CLIC4: variants seen among roughly 807,000 people sequenced by gnomAD.
CLIC4 encodes the protein CLIC family member 4.
A neutral mutation model predicts 24.6 loss-of-function variants in CLIC4; 13 were observed. The observed-to-expected ratio is 0.53, with a 90% CI of 0.34 to 0.84. CLIC4 has a LOEUF of 0.84. CLIC4 is among the 40% of genes least tolerant of loss of function. The probability of loss-of-function intolerance (pLI) is 0.01; values close to 1 mark genes in which losing one functional copy is unlikely to be tolerated. For missense variants in CLIC4, 227 were observed against 301.7 expected (o/e 0.75, Z 1.83); for synonymous variants, 104 against 111.3 (o/e 0.93, Z 0.41).
chr1:24,774,723 C>T (rs144556981), intron 1 of CLIC4, among the ~76,000 whole-genome samples: 49 of 151,852 alleles, frequency 3.2e-4, no homozygotes, highest in South Asian at 6.2e-4. Context: ...CCCTGGAGAT[C>T]GAGGCTGCAG....
At position 24,826,993 on chromosome 1, in the gene CLIC4, T is replaced by C. The variant is rs377354681; in HGVS notation, c.309-17T>C. Reference sequence around the variant, plus strand: ...ATCTTTGAAGGATCTATAATCCATATCACTTTTTCTATTTAGGTACTTAAA... The same window carrying C: ...ATCTTTGAAGGATCTATAATCCATACCACTTTTTCTATTTAGGTACTTAAA... On this transcript the variant is annotated splice_polypyrimidine_tract_variant and intron_variant, in intron 3 of 5. Transcript: ENST00000374379. 4 of 1,543,890 alleles carry C rather than the reference T, an allele frequency of 2.6e-6. No homozygotes were observed. The highest frequency in any genetic ancestry group is 3.5e-6 in the Non-Finnish European group (4 of 1,128,028).
intron 1 of CLIC4, among the ~76,000 whole-genome samples, chr1:24,750,436 CTTT>C (rs368673049): frequency 2.9e-5 from 4 of 137,492 alleles, no homozygotes; most frequent in African/African-American, 8.0e-5. Flanking sequence ...TTCTTTCTTT[CTTT>C]TTTTTTTTTT....
intron 1 of CLIC4, among the ~76,000 whole-genome samples, chr1:24,763,867 A>G (rs1571232542): frequency 1.3e-5 from 2 of 152,178 alleles, no homozygotes; most frequent in Admixed American, 6.5e-5. Context: ...ATAGTTTTGC[A>G]TGTATGTCTT....
At chr1:24,829,459 A>G (rs1006736643) in intron 4 of CLIC4, among the ~76,000 whole-genome samples, 10 of 152,182 alleles carry the variant, frequency 6.6e-5, no homozygotes, top group African/African-American at 2.2e-4. Flanking sequence ...TTATGTAACC[A>G]TTTAGGCAGT....
chr1:24,807,873 G>A (rs1200888228), intron 2 of CLIC4, among the ~76,000 whole-genome samples: 1 of 151,964 alleles, frequency 6.6e-6, no homozygotes, highest in African/African-American at 2.4e-5. Context: ...AATGTTAATG[G>A]ATATGTTTTA....
At chr1:24,797,657 C>T in intron 1 of CLIC4, 85 bp from the exon 2 acceptor site, 1 of 904,930 alleles carries the variant, frequency 1.1e-6, no homozygotes, top group African/African-American at 1.7e-5. Flanking sequence ...GCTTCTTGTA[C>T]TCTTGATTAA....
At chr1:24,814,329 C>T (rs905163361) in intron 3 of CLIC4, 110 bp downstream of exon 3, 2 of 1,233,472 alleles carry the variant, frequency 1.6e-6, no homozygotes, top group Non-Finnish European at 2.3e-6. Flanking sequence ...CTAGGACTCT[C>T]TTCTATGTTT....
intron 1 of CLIC4, among the ~76,000 whole-genome samples, chr1:24,793,424 G>A (rs781260763): frequency 8.5e-5 from 13 of 152,082 alleles, no homozygotes; most frequent in Non-Finnish European, 1.6e-4. Flanking sequence ...TATCCAGCAG[G>A]CAGGTGCCTT....
At chr1:24,830,488 T>C (rs1639829455) in intron 4 of CLIC4, among the ~76,000 whole-genome samples, 1 of 152,102 alleles carries the variant, frequency 6.6e-6, no homozygotes, top group Non-Finnish European at 1.5e-5. Context: ...TAAACAATGC[T>C]GCTGGTGAAT....
chr1:24,786,250 T>C (rs12142638), intron 1 of CLIC4, among the ~76,000 whole-genome samples: 2 of 152,232 alleles, frequency 1.3e-5, no homozygotes, highest in African/African-American at 4.8e-5. Flanking sequence ...CTTAGGTGTT[T>C]AAAAATCTGA....
intron 1 of CLIC4, among the ~76,000 whole-genome samples, chr1:24,762,491 C>T (rs1405517660): frequency 6.6e-6 from 1 of 152,066 alleles, no homozygotes; most frequent in Non-Finnish European, 1.5e-5. Context: ...GAAGCAAGTT[C>T]TGAGGAACTC....
intron 2 of CLIC4, among the ~76,000 whole-genome samples, chr1:24,808,957 C>T (rs1571255531): frequency 6.6e-6 from 1 of 152,078 alleles, no homozygotes; most frequent in African/African-American, 2.4e-5. Flanking sequence ...GGATTACAGA[C>T]GTGAGCCACT....
rs1352438442 is a variant in CLIC4 at position 24,751,805 on chromosome 1, A to G, written c.72+6180A>G. Among the ~76,000 whole-genome samples the G allele has an allele frequency of 5.3e-5, 8 of 152,338 alleles. No individual in the cohort carries two copies. In the South Asian group the frequency reaches 1.5e-3, roughly 28 times the overall value. ...CTTGAACCCGGGAAGCGGAGATTGCAGTGAGCCGAGATTGTGCCATTGCAC... is the reference window on the plus strand; with the variant it reads ...CTTGAACCCGGGAAGCGGAGATTGCGGTGAGCCGAGATTGTGCCATTGCAC... On this transcript the variant is annotated intron_variant, in intron 1 of 5. Coordinates refer to ENST00000374379, the MANE Select transcript of CLIC4 (RefSeq NM_013943.3).
intron 4 of CLIC4, among the ~76,000 whole-genome samples, chr1:24,830,603 C>T (rs1244023821): frequency 6.6e-6 from 1 of 152,158 alleles, no homozygotes; most frequent in Non-Finnish European, 1.5e-5. Context: ...TATATTCCCA[C>T]AAACATGAAA....
At chr1:24,818,385 C>T (rs1313889787) in intron 3 of CLIC4, among the ~76,000 whole-genome samples, 3 of 152,052 alleles carry the variant, frequency 2.0e-5, no homozygotes, top group Non-Finnish European at 4.4e-5. Context: ...CTCCTGGGTT[C>T]AAGTGATTCT....
At chr1:24,826,031 C>T (rs1213505536) in intron 3 of CLIC4, among the ~76,000 whole-genome samples, 1 of 152,142 alleles carries the variant, frequency 6.6e-6, no homozygotes, top group African/African-American at 2.4e-5. Flanking sequence ...ATGAGTCCTC[C>T]TAAAGGGAAG....
intron 1 of CLIC4, among the ~76,000 whole-genome samples, chr1:24,748,024 CAAAAA>C (rs34000704): frequency 8.5e-6 from 1 of 118,150 alleles, no homozygotes. Flanking sequence ...GACTTCGTCT[CAAAAA>C]AAAAAAAAAA....
intron 1 of CLIC4, among the ~76,000 whole-genome samples, chr1:24,791,305 C>A (rs1032124990): frequency 6.6e-6 from 1 of 152,148 alleles, no homozygotes; most frequent in South Asian, 2.1e-4. Context: ...ATCACAATGC[C>A]CTCAGTCAGC....
intron 1 of CLIC4, among the ~76,000 whole-genome samples, chr1:24,789,367 A>G (rs1329445823): frequency 6.6e-6 from 1 of 152,244 alleles, no homozygotes; most frequent in East Asian, 1.9e-4. Context: ...AAAATACAAA[A>G]ATTAGCTGGG....
Sources: allele counts gnomAD v4.1 joint callset (sites outside exome capture counted in the v4.1 genomes callset), GRCh38; gene constraint gnomAD v4.1.1; transcripts MANE v1.5; gene names NCBI Gene and HGNC (gene_info 2026-07-23, HGNC 2026-07-21).